Variants in CCDC91 observed in about 807,000 individuals in gnomAD.
CCDC91 encodes coiled-coil domain containing 91, also known as coiled-coil domain-containing protein 91.
A neutral mutation model predicts 63.2 loss-of-function variants in CCDC91; 48 were observed. That is an observed-to-expected ratio of 0.76 (90% CI 0.60 to 0.97). CCDC91 has a LOEUF of 0.97. CCDC91 is among the 50% of genes least tolerant of loss of function. CCDC91 has a pLI of 0.00. For missense variants in CCDC91, 500 were observed against 494.6 expected (o/e 1.01, Z -0.10); for synonymous variants, 167 against 165.8 (o/e 1.01, Z -0.06).
chr12:28,458,034 C>G (rs1950132817), intron 11 of CCDC91, among the ~76,000 whole-genome samples: 1 of 152,010 alleles, frequency 6.6e-6, no homozygotes, highest in Non-Finnish European at 1.5e-5. Context: ...TCCCGAGAAG[C>G]CACAGACATT....
At chr12:28,416,648 A>G (rs1042286957) in intron 8 of CCDC91, among the ~76,000 whole-genome samples, 7 of 152,038 alleles carry the variant, frequency 4.6e-5, no homozygotes, top group Non-Finnish European at 1.5e-5. Flanking sequence ...ATTTGATGAG[A>G]TATCAAGAAA....
chr12:28,253,741 TC>T (rs1403329168), intron 1 of CCDC91, among the ~76,000 whole-genome samples: 1 of 152,232 alleles, frequency 6.6e-6, no homozygotes, highest in African/African-American at 2.4e-5. Context: ...GGGATACCTT[TC>T]CGTAAAGATG....
intron 7 of CCDC91, among the ~76,000 whole-genome samples, chr12:28,379,489 T>C (rs537822921): frequency 4.1e-5 from 6 of 144,788 alleles, no homozygotes; most frequent in East Asian, 2.0e-4. Flanking sequence ...CATCAAAAAG[T>C]GGGCAAAGGA....
At chr12:28,435,083 A>G (rs1313169960) in intron 8 of CCDC91, among the ~76,000 whole-genome samples, 1 of 151,476 alleles carries the variant, frequency 6.6e-6, no homozygotes. Context: ...AAACCAAATA[A>G]CCAGCTTTTG....
intron 8 of CCDC91, among the ~76,000 whole-genome samples, chr12:28,409,385 T>C (rs1359804624): frequency 6.6e-6 from 1 of 152,158 alleles, no homozygotes; most frequent in Non-Finnish European, 1.5e-5. Flanking sequence ...TTTTAAAATA[T>C]CTATAAACTT....
At chr12:28,360,096 A>G (rs1943781389) in intron 6 of CCDC91, among the ~76,000 whole-genome samples, 1 of 152,230 alleles carries the variant, frequency 6.6e-6, no homozygotes, top group South Asian at 2.1e-4. Flanking sequence ...GCCATGAAAC[A>G]TGGATTTATA....
chr12:28,365,258 T>G (rs1944199129), intron 7 of CCDC91, among the ~76,000 whole-genome samples: 1 of 152,210 alleles, frequency 6.6e-6, no homozygotes, highest in Non-Finnish European at 1.5e-5. Flanking sequence ...AAATGCCATT[T>G]GTAAATACTA....
At chr12:28,475,209 C>CT (rs1566030826) in intron 11 of CCDC91, among the ~76,000 whole-genome samples, 2 of 152,086 alleles carry the variant, frequency 1.3e-5, no homozygotes, top group African/African-American at 4.8e-5. Flanking sequence ...GAAGTCAACT[C>CT]TAACTTACTG....
At chr12:28,239,132 A>AT (rs1945164813) in intron 1 of CCDC91, among the ~76,000 whole-genome samples, 1 of 151,992 alleles carries the variant, frequency 6.6e-6, no homozygotes, top group Admixed American at 6.6e-5. Context: ...AAAAAAAAAA[A>AT]AAATATATGT....
chr12:28,393,962 A>C (rs1946109207), intron 8 of CCDC91, among the ~76,000 whole-genome samples: 1 of 152,254 alleles, frequency 6.6e-6, no homozygotes, highest in Non-Finnish European at 1.5e-5. Context: ...TTAAGAAAGC[A>C]GTTTCATTTA....
At chr12:28,369,209 A>G (rs1487242704) in intron 7 of CCDC91, among the ~76,000 whole-genome samples, 1 of 152,170 alleles carries the variant, frequency 6.6e-6, no homozygotes, top group East Asian at 1.9e-4. Context: ...AAAATCAAAA[A>G]CAAGTTAGTT....
intron 1 of CCDC91, among the ~76,000 whole-genome samples, chr12:28,206,678 G>A (rs1188823633): frequency 1.3e-5 from 2 of 152,110 alleles, no homozygotes; most frequent in African/African-American, 2.4e-5. Flanking sequence ...TTCTCTATAG[G>A]TCGTAAGTGC....
chr12:28,248,419 GAGTGTATCTAA>G (rs892887448), intron 1 of CCDC91, among the ~76,000 whole-genome samples: 7 of 151,470 alleles, frequency 4.6e-5, no homozygotes, highest in African/African-American at 1.7e-4. Context: ...ATAGTCCAGG[GAGTGTATCTAA>G]AGTGAAAGAA....
At chr12:28,471,719 A>G (rs1054479232) in intron 11 of CCDC91, among the ~76,000 whole-genome samples, 1 of 152,052 alleles carries the variant, frequency 6.6e-6, no homozygotes, top group African/African-American at 2.4e-5. Context: ...GGCCAATATA[A>G]TATAGCTGAA....
intron 6 of CCDC91, among the ~76,000 whole-genome samples, chr12:28,358,478 T>C (rs80190503): frequency 0.011 from 1,623 of 152,354 alleles, 37 homozygotes; most frequent in African/African-American, 0.037. Context: ...AGCTGACATT[T>C]TATATAAGGC....
intron 7 of CCDC91, among the ~76,000 whole-genome samples, chr12:28,389,756 A>G (rs1945821520): frequency 6.6e-6 from 1 of 152,144 alleles, no homozygotes; most frequent in Non-Finnish European, 1.5e-5. Context: ...TAATACCCTA[A>G]GTCCCTAAAT....
intron 12 of CCDC91, among the ~76,000 whole-genome samples, chr12:28,518,070 A>G (rs1047012628): frequency 1.3e-5 from 2 of 151,850 alleles, no homozygotes; most frequent in African/African-American, 2.4e-5. Flanking sequence ...CCTTTTTGCA[A>G]TTGTGAATTG....
intron 3 of CCDC91, among the ~76,000 whole-genome samples, chr12:28,288,861 C>T (rs1949057380): frequency 6.6e-6 from 1 of 152,086 alleles, no homozygotes; most frequent in Non-Finnish European, 1.5e-5. Flanking sequence ...AGTTTGCGAG[C>T]TTGTTATTGA....
intron 1 of CCDC91, among the ~76,000 whole-genome samples, chr12:28,229,890 A>C (rs1278027195): frequency 6.6e-6 from 1 of 152,172 alleles, no homozygotes; most frequent in Non-Finnish European, 1.5e-5. Context: ...GCTACTTATT[A>C]TGGACCTTGT....
Sources: allele counts gnomAD v4.1 joint callset (sites outside exome capture counted in the v4.1 genomes callset), GRCh38; gene constraint gnomAD v4.1.1; transcripts MANE v1.5; gene names NCBI Gene and HGNC (gene_info 2026-07-23, HGNC 2026-07-21).